Variants in ERI2 observed in about 807,000 individuals in gnomAD.
ERI2 encodes the protein ERI1 exoribonuclease 2.
Under a neutral mutation model 46.8 loss-of-function variants are expected in ERI2, and 35 were observed. The observed-to-expected ratio is 0.75, with a 90% CI of 0.57 to 0.99. The LOEUF (loss-of-function observed/expected upper bound fraction) is 0.99, where lower values mean the gene tolerates loss of function less well. Ranked by LOEUF, ERI2 falls within the 50% of genes least tolerant of loss-of-function variation. The pLI, the probability that ERI2 is intolerant of heterozygous loss-of-function variation, is 0.00. For missense variants in ERI2, 695 were observed against 796.2 expected, an observed-to-expected ratio of 0.87 and a Z score of 1.53; for synonymous variants, 224 against 271.0, an observed-to-expected ratio of 0.83 and a Z score of 1.70.
chr16:20,806,409 G>C lies in ERI2; in HGVS notation c.22C>G (p.Arg8Gly), dbSNP rs1023979690. 2 of 1,550,332 alleles carry C rather than the reference G, an allele frequency of 1.3e-6. No homozygotes were observed. Among genetic ancestry groups the C allele is most frequent in the East Asian group, 2.4e-5 (1 of 40,926 alleles). Residue 8 changes from arginine to glycine, a missense_variant and splice_region_variant, in exon 1 of 9, where the codon CGG becomes GGG. Coordinates refer to ENST00000357967, the MANE Select transcript of ERI2 (RefSeq NM_001142725.2). MATKRLA[R>G]QLGLIRRKSI... ...CCGACCCGGAACTCCCTCGAGTACC[G>C]CGCGAGCCGCTTGGTCGCCATTCCC...
Position 20,800,370 on chromosome 16 carries a change from A to G in ERI2, c.493T>C (p.Cys165Arg). 1.2e-6 allele frequency: 2 copies of G among 1,610,222 alleles called. No individual in the cohort carries two copies. Among genetic ancestry groups the G allele is most frequent in the Non-Finnish European group, 1.7e-6 (2 of 1,177,632 alleles). Residue 165 changes from cysteine (C) to arginine (R), a missense_variant, in exon 6 of 9, where the codon TGT (cysteine) becomes CGT (arginine). Cys to Arg is a radical substitution (Grantham distance 180). Coordinates refer to ENST00000357967, the MANE Select transcript of ERI2 (RefSeq NM_001142725.2). The part of the protein sequence containing the change: ...WDLGVCLEYE[C>R]KRKQLLKPVF... ...GGTTTTAACAGCTGCTTTCTTTTAC[A>G]CTCATACTCCAGGCAAACCCCCAAG...
At chr16:20,788,489 C>T (rs2080523216) in intron 10 of ERI2, among the ~76,000 whole-genome samples, 1 of 152,144 alleles carries the variant, frequency 6.6e-6, no homozygotes, top group African/African-American at 2.4e-5. Flanking sequence ...ACTTTTTCTG[C>T]ATCCCCAGTC....
At chr16:20,805,011 C>T (rs2080841173) in intron 1 of ERI2, among the ~76,000 whole-genome samples, 1 of 152,110 alleles carries the variant, frequency 6.6e-6, no homozygotes, top group Admixed American at 6.5e-5. Flanking sequence ...TATGTGAACC[C>T]AAGACTGTCC....
rs2080729086 is a variant in ERI2 at position 20,796,601 on chromosome 16, A to T, written c.*1123T>A. On this transcript the variant is annotated 3_prime_UTR_variant, in exon 9 of 9. Transcript: ENST00000357967. ...CACACATGCTGCACCACATGTCCCA[A>T]ACTGAACTGATGACATATGGGTAAG... 1 of 1,549,752 alleles carries T rather than the reference A, an allele frequency of 6.5e-7. No individual in the cohort carries two copies. The highest frequency in any genetic ancestry group is 1.4e-5 in the African/African-American group (1 of 71,494).
At chr16:20,781,518 A>C (rs76529066) in intron 10 of ERI2, among the ~76,000 whole-genome samples, 11,077 of 152,308 alleles carry the variant, frequency 0.073, 541 homozygotes, top group Non-Finnish European at 0.11. Flanking sequence ...ATACCATACA[A>C]TTTTATATAA....
rs2080770407 is a variant in ERI2, at chr16:20,799,259, T to C, written c.732+4A>G. 6.2e-7 allele frequency: 1 copy of C among 1,613,288 alleles called. No individual in the cohort carries two copies. Among genetic ancestry groups the C allele is most frequent in the South Asian group, 1.1e-5 (1 of 90,986 alleles). On this transcript the variant is annotated splice_donor_region_variant and intron_variant, in intron 8 of 8. Coordinates refer to ENST00000357967, the MANE Select transcript of ERI2 (RefSeq NM_001142725.2). The stretch of plus-strand genomic sequence containing the variant: ...ACAGAATAAAAAGGCAAGACACTAC[T>C]AACCTTGTTCAACGACCTTGTAATT...
chr16:20,804,145 TGTC>T (rs1555489271), intron 1 of ERI2, among the ~76,000 whole-genome samples: 2 of 151,666 alleles, frequency 1.3e-5, no homozygotes, highest in Non-Finnish European at 2.9e-5. Flanking sequence ...TGAGCCACTG[TGTC>T]CAGCCAATTT....
At chr16:20,793,647 G>A (rs1184348649), downstream of ERI2, among the ~76,000 whole-genome samples, 1 of 152,198 alleles carries the variant, frequency 6.6e-6, no homozygotes, top group Non-Finnish European at 1.5e-5. Context: ...CAGTGGCTGG[G>A]AATTGGTAGT....
At chr16:20,799,866 T>A in intron 7 of ERI2, 91 bp downstream of exon 7, 1 of 734,660 alleles carries the variant, frequency 1.4e-6, no homozygotes, top group Non-Finnish European at 2.4e-6. Flanking sequence ...GCTGAAGATA[T>A]CCCTTACTAA....
intron 1 of ERI2, chr16:20,805,713 AC>A (rs1443611481): frequency 1.1e-5 from 2 of 180,992 alleles, no homozygotes; most frequent in African/African-American, 4.8e-5. Flanking sequence ...AAGTGTTTTT[AC>A]CTTTCTCAGC....
chr16:20,800,140 CTTATT>C, intron 6 of ERI2, 102 bp from the exon 7 acceptor site: 1 of 905,846 alleles, frequency 1.1e-6, no homozygotes, highest in South Asian at 1.7e-5. Context: ...TTAGAATGTG[CTTATT>C]TTTTGTGTGT....
chr16:20,789,442 G>C (rs778256001), intron 10 of ERI2: 8 of 1,445,704 alleles, frequency 5.5e-6, no homozygotes, highest in South Asian at 1.1e-5. Flanking sequence ...ATGAGGATTG[G>C]AGAGAGGGTA....
rs1207071739 is a variant in ERI2 at position 20,797,755 on chromosome 16, G to T, written c.2045C>A (p.Ser682Tyr). 7 of 1,549,350 alleles carry T rather than the reference G, an allele frequency of 4.5e-6. No homozygotes were observed. Among genetic ancestry groups the T allele is most frequent in the African/African-American group, 1.4e-5 (1 of 72,886 alleles). ...DRNLSISTKNSLRLRPSMRN is the reference protein window; with the variant it reads ...DRNLSISTKNYLRLRPSMRN ...CCTCATTGAAGGCCTGAGTCTCAAA[G>T]AATTTTTGGTGGAAATACTTAAATT... Residue 682 changes from serine (S) to tyrosine (Y), a missense_variant, in exon 9 of 9, where the codon TCT (serine) becomes TAT (tyrosine). Transcript: ENST00000357967.
Position 20,798,069 on chromosome 16 carries a change from T to G in ERI2, c.1731A>C (p.Leu577Phe). ...GCTCTTGTAGGTTAACTGTAGAAGTTAATATAGATGGGAGACGCCTCCAGG... is the reference window on the plus strand; with the variant it reads ...GCTCTTGTAGGTTAACTGTAGAAGTGAATATAGATGGGAGACGCCTCCAGG... ...SSSWRRLPSI[L>F]TSTVNLQEPW... The change falls in exon 9 of 9, where the codon TTA (leucine) becomes TTC (phenylalanine). Residue 577 changes from leucine (L) to phenylalanine (F), a missense_variant. Coordinates refer to ENST00000357967, the MANE Select transcript of ERI2 (RefSeq NM_001142725.2). The G allele has an allele frequency of 1.9e-6, 3 of 1,551,562 alleles. No individual in the cohort carries two copies. Among genetic ancestry groups the G allele is most frequent in the Non-Finnish European group, 2.6e-6 (3 of 1,146,908 alleles).
In ERI2 at chr16:20,803,585, A is replaced by ACTTTTTCC. The variant is rs2080818363; in HGVS notation, c.91+17_91+18insGGAAAAAG. 2 of 1,614,166 alleles carry ACTTTTTCC rather than the reference A, an allele frequency of 1.2e-6. No homozygotes were observed. Among genetic ancestry groups the ACTTTTTCC allele is most frequent in the Non-Finnish European group, 1.7e-6 (2 of 1,180,010 alleles). On this transcript the variant is annotated intron_variant, in intron 2 of 8. Transcript: ENST00000357967. ...ATGCAAGGCTACAAAATGCAAAGAA[A>ACTTTTTCC]CTAAGCATACTACTCACTGGATTTG...
At chr16:20,793,423 C>T (rs1176680534), downstream of ERI2, among the ~76,000 whole-genome samples, 1 of 152,130 alleles carries the variant, frequency 6.6e-6, no homozygotes, top group Non-Finnish European at 1.5e-5. Flanking sequence ...GAGCCAAGAT[C>T]GTGCCACTGT....
intron 10 of ERI2, among the ~76,000 whole-genome samples, chr16:20,785,371 G>A (rs1357999836): frequency 6.6e-6 from 1 of 152,078 alleles, no homozygotes; most frequent in Non-Finnish European, 1.5e-5. Flanking sequence ...AAATAATACT[G>A]GATCTACTGA....
chr16:20,781,459 C>A (rs1277337968), intron 10 of ERI2, among the ~76,000 whole-genome samples: 3 of 152,036 alleles, frequency 2.0e-5, no homozygotes, highest in Non-Finnish European at 4.4e-5. Flanking sequence ...TATAAATAAT[C>A]TAGAGATGAT....
intron 9 of ERI2, chr16:20,789,692 T>TC: frequency 1.6e-6 from 1 of 626,058 alleles, no homozygotes; most frequent in Non-Finnish European, 2.7e-6. Context: ...TTCTTTTTTT[T>TC]TTTTTTTTTT....
Sources: gnomAD v4.1 joint callset for allele counts (sites outside exome capture counted in the v4.1 genomes callset) on GRCh38, gnomAD v4.1.1 for gene constraint, MANE v1.5 for transcripts, NCBI Gene and HGNC (gene_info 2026-07-23, HGNC 2026-07-21) for gene names.